The following PKHD1 variants were observed in gnomAD, a reference collection of about 807,000 sequenced individuals.
The protein encoded by PKHD1 is PKHD1 ciliary IPT domain containing fibrocystin/polyductin.
A neutral mutation model predicts 412.0 loss-of-function variants in PKHD1; 291 were observed. That is an observed-to-expected ratio of 0.71 (90% CI 0.64 to 0.78). The LOEUF (loss-of-function observed/expected upper bound fraction) is 0.78, where lower values mean the gene tolerates loss of function less well. Among genes scored for constraint, PKHD1 ranks in the 30% least tolerant of loss-of-function variants. The pLI is 0.00. For missense variants in PKHD1, 4,825 were observed against 4,950.7 expected, an observed-to-expected ratio of 0.97 and a Z score of 0.76; for synonymous variants, 1,777 against 1,821.5, an observed-to-expected ratio of 0.98 and a Z score of 0.62.
At chr6:51,726,432 CCAGGCTATA>C (rs1308667908) in intron 60 of PKHD1, among the ~76,000 whole-genome samples, 3 of 152,118 alleles carry the variant, frequency 2.0e-5, no homozygotes, top group Non-Finnish European at 4.4e-5. Context: ...CAAAGACAAA[CCAGGCTATA>C]CTGGCCCCGC....
intron 24 of PKHD1, 150 bp downstream of exon 24, chr6:52,045,854 A>G: frequency 1.5e-6 from 1 of 665,502 alleles, no homozygotes. Context: ...GAAAACTTCC[A>G]GAAAGAAAGT....
At chr6:51,825,475 T>A (rs1253230301) in intron 52 of PKHD1, among the ~76,000 whole-genome samples, 1 of 151,986 alleles carries the variant, frequency 6.6e-6, no homozygotes, top group Non-Finnish European at 1.5e-5. Context: ...AATAAACCCA[T>A]GAGGAGAGGA....
intron 47 of PKHD1, among the ~76,000 whole-genome samples, chr6:51,869,681 T>C (rs2151771261): frequency 6.6e-6 from 1 of 152,276 alleles, no homozygotes; most frequent in East Asian, 1.9e-4. Context: ...GGAATTGCGA[T>C]TGCAAGCACT....
chr6:51,864,098 C>G (rs1282924119), intron 48 of PKHD1, among the ~76,000 whole-genome samples: 1 of 152,094 alleles, frequency 6.6e-6, no homozygotes, highest in Non-Finnish European at 1.5e-5. Context: ...GAGAAAACGA[C>G]CTCTATGCTG....
chr6:51,960,137 G>T, intron 35 of PKHD1, 111 bp from the exon 36 acceptor site: 2 of 985,912 alleles, frequency 2.0e-6, no homozygotes, highest in Non-Finnish European at 1.6e-6. Flanking sequence ...TTGTTTTTGG[G>T]CGGGATAGTA....
intron 31 of PKHD1, among the ~76,000 whole-genome samples, chr6:52,027,601 G>C (rs1398703607): frequency 6.7e-6 from 1 of 148,406 alleles, no homozygotes; most frequent in Non-Finnish European, 1.5e-5. Context: ...GAAAAGAAAA[G>C]CAGGCACATC....
At chr6:52,064,063 G>T (rs1187114400) in intron 13 of PKHD1, among the ~76,000 whole-genome samples, 1 of 152,194 alleles carries the variant, frequency 6.6e-6, no homozygotes, top group Admixed American at 6.5e-5. Flanking sequence ...GCAGATCTGG[G>T]AGCTGGAGAA....
chr6:51,906,458 A>G, intron 40 of PKHD1, 118 bp from the exon 41 acceptor site: 1 of 814,752 alleles, frequency 1.2e-6, no homozygotes, highest in South Asian at 1.4e-5. Flanking sequence ...GAAACTCAGG[A>G]GATAAGAAGT....
chr6:52,035,191 C>T (rs1286061479), intron 28 of PKHD1, among the ~76,000 whole-genome samples: 1 of 152,098 alleles, frequency 6.6e-6, no homozygotes, highest in Non-Finnish European at 1.5e-5. Context: ...ACAATTAATA[C>T]CCATACTAGA....
rs768768543 is a variant in PKHD1, at chr6:51,887,186, T to C, written c.7056A>G (p.Thr2352=). 6.2e-7 allele frequency: 1 copy of C among 1,613,646 alleles called. No homozygotes were observed. Among genetic ancestry groups the C allele is most frequent in the Non-Finnish European group, 8.5e-7 (1 of 1,179,556 alleles). ...GYFFHLMTNQ[T]SQAPLLSFTQ... is the part of the protein sequence containing the mutation. Reference sequence around the variant, plus strand: ...TGAAGGAAAGAAGCGGAGCTTGTGATGTTTGGTTGGTCATGAGATGGAAAA... The same window carrying C: ...TGAAGGAAAGAAGCGGAGCTTGTGACGTTTGGTTGGTCATGAGATGGAAAA... Residue 2352 remains threonine (T), a synonymous_variant, in exon 44 of 67, where the codon ACA becomes ACG. Transcript: ENST00000371117.
At chr6:51,934,690 C>G (rs1033648270) in intron 36 of PKHD1, among the ~76,000 whole-genome samples, 1 of 136,318 alleles carries the variant, frequency 7.3e-6, no homozygotes, top group Non-Finnish European at 1.6e-5. Flanking sequence ...AGAAATAGGG[C>G]TAGAAGAAGA....
intron 60 of PKHD1, among the ~76,000 whole-genome samples, chr6:51,722,590 G>T (rs995960086): frequency 5.9e-5 from 9 of 152,200 alleles, no homozygotes; most frequent in Non-Finnish European, 1.3e-4. Context: ...ATGCAGGCAT[G>T]CAAGAGGCAC....
At chr6:51,988,726 T>C (rs1346787262) in intron 35 of PKHD1, among the ~76,000 whole-genome samples, 1 of 152,170 alleles carries the variant, frequency 6.6e-6, no homozygotes, top group South Asian at 2.1e-4. Flanking sequence ...CAGGAAGATA[T>C]GGTTAAGCAC....
At chr6:52,034,215 T>C (rs1056665823) in intron 28 of PKHD1, among the ~76,000 whole-genome samples, 1 of 149,216 alleles carries the variant, frequency 6.7e-6, no homozygotes, top group African/African-American at 2.4e-5. Context: ...GAAAAAAATA[T>C]ACTACCCGGT....
chr6:51,768,135 A>C (rs1379579007), intron 55 of PKHD1, among the ~76,000 whole-genome samples: 1 of 150,748 alleles, frequency 6.6e-6, no homozygotes, highest in Non-Finnish European at 1.5e-5. Flanking sequence ...GTGTCAGTTC[A>C]TATGCTTCAC....
intron 4 of PKHD1, 100 bp downstream of exon 4, chr6:52,082,292 T>C: frequency 3.3e-6 from 4 of 1,196,244 alleles, no homozygotes; most frequent in Non-Finnish European, 5.0e-6. Context: ...GGCTGGCAAT[T>C]GAATCACAGC....
Position 51,747,798 on chromosome 6 carries a change from A to G in PKHD1, c.9818T>C (p.Met3273Thr). The change falls in exon 58 of 67, where the codon ATG becomes ACG. Residue 3273 changes from methionine (M) to threonine (T), a missense_variant. Physicochemically the swap from Met to Thr is moderately conservative, Grantham distance 81. Transcript: ENST00000371117. ...VRNDHSISGI[M>T]KLQDVTFSSF... is the part of the protein sequence containing the mutation. ...ATAAAACATCCTACCTTGAAGTTTC[A>G]TGATTCCTGAAATTGAATGATCATT... is the stretch of plus-strand genomic sequence containing the variant. The G allele has an allele frequency of 6.2e-7, 1 of 1,613,740 alleles. No individual in the cohort carries two copies. The highest frequency in any genetic ancestry group is 8.5e-7 in the Non-Finnish European group (1 of 1,179,728).
chr6:52,015,248 C>A (rs955464614), intron 34 of PKHD1, among the ~76,000 whole-genome samples: 7 of 152,162 alleles, frequency 4.6e-5, no homozygotes, highest in Non-Finnish European at 8.8e-5. Flanking sequence ...AAACTTGTTT[C>A]ATTGCAAATT....
At chr6:51,793,364 T>C (rs1163105080) in intron 52 of PKHD1, among the ~76,000 whole-genome samples, 1 of 152,220 alleles carries the variant, frequency 6.6e-6, no homozygotes, top group African/African-American at 2.4e-5. Flanking sequence ...TTTCATCTTT[T>C]ATTTTAAATT....
Sources: gnomAD v4.1 joint callset for allele counts (sites outside exome capture counted in the v4.1 genomes callset) on GRCh38, gnomAD v4.1.1 for gene constraint, MANE v1.5 for transcripts, NCBI Gene and HGNC (gene_info 2026-07-23, HGNC 2026-07-21) for gene names.